MYO16: variants seen among roughly 807,000 people sequenced by gnomAD.
MYO16 encodes the protein unconventional myosin-XVI.
Under a neutral mutation model 205.3 loss-of-function variants are expected in MYO16, and 94 were observed. The observed-to-expected ratio is 0.46, with a 90% confidence interval of 0.39 to 0.54. MYO16 has a LOEUF of 0.54. Among genes scored for constraint, MYO16 ranks in the 20% least tolerant of loss-of-function variants. The pLI is 0.00. For missense variants in MYO16, 2,315 were observed against 2,387.5 expected (o/e 0.97, Z 0.63); for synonymous variants, 988 against 954.0 (o/e 1.04, Z -0.66).
chr13:109,044,461 C>T (rs1302690002), intron 23 of MYO16, among the ~76,000 whole-genome samples: 1 of 151,920 alleles, frequency 6.6e-6, no homozygotes, highest in East Asian at 1.9e-4. Context: ...TTTAGTAAAT[C>T]CATAGTCCTT....
At chr13:108,576,779 T>TG in the MYO16 span, among the ~76,000 whole-genome samples, 1 of 152,180 alleles carries the variant, frequency 6.6e-6, no homozygotes, top group African/African-American at 2.4e-5. Context: ...TCTTTTTTTT[T>TG]GAGACAGGAT....
Position 109,141,416 on chromosome 13 carries a change from C to A in MYO16, c.5164+40C>A. 2 of 1,318,712 alleles carry A rather than the reference C, an allele frequency of 1.5e-6. No homozygotes were observed. Among genetic ancestry groups the A allele is most frequent in the Non-Finnish European group, 2.0e-6 (2 of 994,136 alleles). The allele number at this position is 1,318,712 out of a possible 1,614,324, so 81.7% of individuals were successfully genotyped here. ...CATCCCCCCACTCCTTTTGCATGGA[C>A]GCTGTGCTTGCGTGCACCTGTGTAC... On this transcript the variant is annotated intron_variant, in intron 32 of 34. Transcript: ENST00000457511. The surrounding 1 kb of genome is among the most constrained non-coding windows in gnomAD (Gnocchi z 4.1).
At chr13:109,204,308 A>G (rs191977074) in intron 34 of MYO16, among the ~76,000 whole-genome samples, 111 of 152,374 alleles carry the variant, frequency 7.3e-4, no homozygotes, top group African/African-American at 2.4e-3. Context: ...ATATTCTTCC[A>G]TCAGTTAAAT....
chr13:108,972,351 CATATATATATAT>C lies in MYO16; in HGVS notation c.2369+7485_2369+7496del, dbSNP rs869041443. On this transcript the variant is annotated intron_variant, in intron 20 of 34. Transcript: ENST00000457511. Reference sequence around the variant, plus strand: ...CCATCTATATATATATATATATAGCCATATATATATATATATATATATATATATATATATATA... The same window carrying C: ...CCATCTATATATATATATATATAGCCATATATATATATATATATATATATA... 4.4e-3 allele frequency among the ~76,000 whole-genome samples: 76 copies of C among 17,454 alleles called. 12 individuals are homozygous for C. Among genetic ancestry groups the C allele is most frequent in the East Asian group, 0.022 (8 of 362 alleles). 11.5% of individuals were successfully genotyped at this position (17,454 alleles called of 152,430 possible).
At chr13:109,066,271 C>A (rs1887746051) in intron 27 of MYO16, among the ~76,000 whole-genome samples, 1 of 152,200 alleles carries the variant, frequency 6.6e-6, no homozygotes, top group African/African-American at 2.4e-5. Flanking sequence ...ATGCCAACTA[C>A]TGTCAATGCA....
At chr13:109,049,017 A>G (rs1052615294) in intron 24 of MYO16, 1 of 150,024 alleles carries the variant, frequency 6.7e-6, no homozygotes, top group Non-Finnish European at 1.5e-5. Flanking sequence ...GCTCACAGGA[A>G]TAGAAAATTT....
chr13:108,948,290 C>A (rs1211111949), intron 16 of MYO16, among the ~76,000 whole-genome samples: 1 of 152,180 alleles, frequency 6.6e-6, no homozygotes, highest in Non-Finnish European at 1.5e-5. Context: ...GCTCTGCGCA[C>A]AATAGAGAAG....
the MYO16 span, among the ~76,000 whole-genome samples, chr13:108,524,128 C>G: frequency 9.4e-6 from 1 of 105,872 alleles, no homozygotes; most frequent in African/African-American, 4.0e-5. Context: ...GAAACCCCAT[C>G]TCTACTAAAA....
chr13:108,777,349 A>G (rs1416447572), intron 4 of MYO16, among the ~76,000 whole-genome samples: 1 of 152,220 alleles, frequency 6.6e-6, no homozygotes, highest in African/African-American at 2.4e-5. Context: ...ATAAAGGTAG[A>G]TTAATTACAA....
rs189193247 is a variant in MYO16 at position 108,852,478 on chromosome 13, C to G, written c.1249-2965C>G. ...TGTCCTCTCTGGGCCTTAAGTTCTT[C>G]ATCCTTTAAATAAGGATGCTATAAC... On this transcript the variant is annotated intron_variant, in intron 10 of 34. Transcript: ENST00000457511. Among the ~76,000 whole-genome samples, 550 of 152,310 alleles carry G rather than the reference C, an allele frequency of 3.6e-3. 4 individuals are homozygous for G. Among genetic ancestry groups the G allele is most frequent in the Non-Finnish European group, 5.5e-3 (375 of 68,042 alleles).
chr13:108,801,970 T>C lies in MYO16; in HGVS notation c.742-4709T>C, dbSNP rs73612415. ...AATTTTATTTAATATTATTTTAAATTGACAAATAATACTTATATGCATTTA... is the reference window on the plus strand; with the variant it reads ...AATTTTATTTAATATTATTTTAAATCGACAAATAATACTTATATGCATTTA... On this transcript the variant is annotated intron_variant, in intron 6 of 34. Transcript: ENST00000457511. 8.0e-3 allele frequency among the ~76,000 whole-genome samples: 1,219 copies of C among 152,306 alleles called. 15 individuals carry two copies. Among genetic ancestry groups the C allele is most frequent in the African/African-American group, 0.028 (1,154 of 41,552 alleles).
the MYO16 span, among the ~76,000 whole-genome samples, chr13:108,518,056 G>A: frequency 6.6e-6 from 1 of 152,140 alleles, no homozygotes; most frequent in Admixed American, 6.5e-5. Context: ...TATGAATTCT[G>A]GGGGGACACC....
At chr13:108,810,319 C>T (rs1887250495) in intron 7 of MYO16, among the ~76,000 whole-genome samples, 1 of 152,136 alleles carries the variant, frequency 6.6e-6, no homozygotes, top group East Asian at 1.9e-4. Flanking sequence ...CTGTGCTAGC[C>T]CATTGTCCAG....
chr13:108,855,460 T>C lies in MYO16; in HGVS notation c.1266T>C (p.Pro422=). The change falls in exon 11 of 35, where the codon CCT becomes CCC. Residue 422 remains proline (P), a synonymous_variant. Transcript: ENST00000457511. ...TTCCCCAGGTCAAGCTAATGCCTCC[T>C]GCCCCAAACGATGACCTGGCAACGC... is the stretch of plus-strand genomic sequence containing the variant. ...TKPEQVKLMP[P]APNDDLATLS... 1.3e-6 allele frequency: 2 copies of C among 1,592,050 alleles called. No homozygotes were observed. The highest frequency in any genetic ancestry group is 1.3e-5 in the African/African-American group (1 of 74,818).
chr13:108,647,407 G>A (rs1474383886), intron 1 of MYO16, among the ~76,000 whole-genome samples: 1 of 152,086 alleles, frequency 6.6e-6, no homozygotes, highest in Non-Finnish European at 1.5e-5. Flanking sequence ...ATCTTTAATG[G>A]TTCCTGTGGC....
At chr13:108,995,671 T>C (rs1482821399) in intron 21 of MYO16, among the ~76,000 whole-genome samples, 4 of 152,128 alleles carry the variant, frequency 2.6e-5, no homozygotes, top group Non-Finnish European at 4.4e-5. Context: ...TTCCCACCTA[T>C]GAGTGAGAAC....
intron 27 of MYO16, among the ~76,000 whole-genome samples, chr13:109,092,601 A>G (rs894039853): frequency 6.6e-6 from 1 of 152,230 alleles, no homozygotes; most frequent in Non-Finnish European, 1.5e-5. Flanking sequence ...GGAGAGGAAC[A>G]GAAAAGATAA....
At chr13:108,933,497 ATGTGTGTG>A (rs34277540) in intron 16 of MYO16, among the ~76,000 whole-genome samples, 1 of 149,628 alleles carries the variant, frequency 6.7e-6, no homozygotes, top group African/African-American at 2.4e-5. Flanking sequence ...GATTATTTGG[ATGTGTGTG>A]TGTGTGTGTG....
intron 3 of MYO16, among the ~76,000 whole-genome samples, chr13:108,724,202 G>C (rs1025948888): frequency 6.6e-6 from 1 of 152,072 alleles, no homozygotes; most frequent in Non-Finnish European, 1.5e-5. Flanking sequence ...TAATAACTTT[G>C]TATATTCCAT....
Sources: allele counts gnomAD v4.1 joint callset (sites outside exome capture counted in the v4.1 genomes callset), GRCh38; gene constraint gnomAD v4.1.1; non-coding constraint Gnocchi (gnomAD v3.1); transcripts MANE v1.5; gene names NCBI Gene and HGNC (gene_info 2026-07-23, HGNC 2026-07-21).